The following MEGF10 variants were observed in gnomAD, a reference collection of about 807,000 sequenced individuals.
MEGF10 encodes the protein multiple epidermal growth factor-like domains protein 10.
In MEGF10, 86 loss-of-function variants were observed where a neutral mutation model predicts 147.5. The observed-to-expected ratio is 0.58, with a 90% CI of 0.49 to 0.70. The LOEUF is 0.70. Among genes scored for constraint, MEGF10 ranks in the 30% least tolerant of loss-of-function variants. MEGF10 has a pLI of 0.00. For synonymous variants in MEGF10, 478 were observed against 525.5 expected (o/e 0.91, Z 1.24); for missense variants, 1,329 against 1,487.3 (o/e 0.89, Z 1.75).
At chr5:127,350,795 A>C (rs915419661) in intron 4 of MEGF10, among the ~76,000 whole-genome samples, 2 of 152,126 alleles carry the variant, frequency 1.3e-5, no homozygotes, top group Non-Finnish European at 2.9e-5. Flanking sequence ...AAAAATTTTG[A>C]AGTTGTAGTT....
chr5:127,431,725 A>G (rs1421712910), intron 13 of MEGF10, among the ~76,000 whole-genome samples: 1 of 152,178 alleles, frequency 6.6e-6, no homozygotes, highest in Non-Finnish European at 1.5e-5. Flanking sequence ...CCTGAATTTG[A>G]ACTGAGAGCG....
chr5:127,385,714 A>G (rs1212391492), intron 5 of MEGF10, among the ~76,000 whole-genome samples: 1 of 152,234 alleles, frequency 6.6e-6, no homozygotes, highest in African/African-American at 2.4e-5. Context: ...TCCCACTGTA[A>G]GTATCTGGTA....
At chr5:127,284,430 CAT>C in the MEGF10 span, among the ~76,000 whole-genome samples, 1 of 151,960 alleles carries the variant, frequency 6.6e-6, no homozygotes, top group East Asian at 1.9e-4. Flanking sequence ...AGTGTTTAAA[CAT>C]AGCATAATGG....
intron 19 of MEGF10, among the ~76,000 whole-genome samples, chr5:127,443,983 A>G (rs773794846): frequency 1.6e-4 from 24 of 152,216 alleles, no homozygotes; most frequent in East Asian, 7.7e-4. Context: ...TATATAGTAG[A>G]CATATGTTTA....
chr5:127,443,384 C>A (rs778908416), intron 19 of MEGF10, among the ~76,000 whole-genome samples: 2 of 152,102 alleles, frequency 1.3e-5, no homozygotes, highest in Non-Finnish European at 2.9e-5. Flanking sequence ...AGCTTTTGTG[C>A]CAGATTTTTG....
At chr5:127,247,315 A>G in the MEGF10 span, among the ~76,000 whole-genome samples, 3 of 46,404 alleles carry the variant, frequency 6.5e-5, no homozygotes, top group Non-Finnish European at 1.6e-4. Flanking sequence ...CGAGAGAAAG[A>G]GAGAGAAGAA....
chr5:127,256,919 C>T, the MEGF10 span, among the ~76,000 whole-genome samples: 1 of 152,088 alleles, frequency 6.6e-6, no homozygotes, highest in African/African-American at 2.4e-5. Flanking sequence ...ACAGTGATTG[C>T]CCTAATCCCA....
chr5:127,282,004 T>C, the MEGF10 span, among the ~76,000 whole-genome samples: 4 of 152,244 alleles, frequency 2.6e-5, no homozygotes, highest in Non-Finnish European at 5.9e-5. Flanking sequence ...GAACAGAAGC[T>C]GCCTACTATC....
intron 8 of MEGF10, among the ~76,000 whole-genome samples, chr5:127,408,531 AC>A (rs2126947574): frequency 6.6e-6 from 1 of 152,318 alleles, no homozygotes; most frequent in East Asian, 1.9e-4. Flanking sequence ...AATAAAGAGC[AC>A]CTTTTAAAAA....
chr5:127,383,813 G>C (rs1444596742), intron 5 of MEGF10, among the ~76,000 whole-genome samples: 4 of 152,134 alleles, frequency 2.6e-5, no homozygotes, highest in African/African-American at 7.2e-5. Flanking sequence ...ATGAGCCTTT[G>C]TTATAGCATT....
rs764044446 is a variant in MEGF10, at chr5:127,457,304, A to G, written c.3409A>G (p.Ser1137Gly). 1.2e-6 allele frequency: 2 copies of G among 1,613,428 alleles called. No individual in the cohort carries two copies. The highest frequency in any genetic ancestry group is 2.7e-5 in the African/African-American group (2 of 74,938). Residue 1137 changes from serine to glycine, a missense_variant, in exon 25 of 25, where the codon AGC (serine) becomes GGC (glycine). Ser to Gly is a moderately conservative substitution (Grantham distance 56). Around this residue, in one of 3 missense-constraint regions of MEGF10, gnomAD observed 343 missense variants for 377.9 expected, o/e 0.91. Coordinates refer to ENST00000503335, the MANE Select transcript of MEGF10 (RefSeq NM_001256545.2). ...DSGGSSSNSS[S>G]SSE ...TGGTGGTAGCAGCAGCAACAGCAGCAGCAGCAGTGAATGACACCAAAGGAC... is the reference window on the plus strand; with the variant it reads ...TGGTGGTAGCAGCAGCAACAGCAGCGGCAGCAGTGAATGACACCAAAGGAC...
chr5:127,359,648 C>A (rs972121446), intron 4 of MEGF10, among the ~76,000 whole-genome samples: 3 of 152,202 alleles, frequency 2.0e-5, no homozygotes, highest in East Asian at 3.9e-4. Flanking sequence ...GCTTTTATAT[C>A]TGATTTCTTT....
At chr5:127,256,729 T>C in the MEGF10 span, among the ~76,000 whole-genome samples, 1 of 152,210 alleles carries the variant, frequency 6.6e-6, no homozygotes, top group Non-Finnish European at 1.5e-5. Flanking sequence ...CATGGTCTAA[T>C]TGCAAGTTTG....
chr5:127,337,104 G>T (rs947743946), intron 2 of MEGF10, among the ~76,000 whole-genome samples: 7 of 152,132 alleles, frequency 4.6e-5, no homozygotes, highest in Admixed American at 3.9e-4. Flanking sequence ...TCAAAGGAAT[G>T]GGCTCAGTGT....
chr5:127,410,467 TTAC>T lies in MEGF10; in HGVS notation c.997_999del (p.Tyr333del). ...GCCAGTGTGTCAACGGAGGGAAGTG[TTAC>T]CACGTGAGCGGCGCATGCCTCTGTG... On this transcript the variant is annotated inframe_deletion, in exon 9 of 25. Coordinates refer to ENST00000503335, the MANE Select transcript of MEGF10 (RefSeq NM_001256545.2). The T allele has an allele frequency of 6.2e-7, 1 of 1,614,212 alleles. No homozygotes were observed. Among genetic ancestry groups the T allele is most frequent in the Non-Finnish European group, 8.5e-7 (1 of 1,180,050 alleles).
the MEGF10 span, among the ~76,000 whole-genome samples, chr5:127,247,393 A>C: frequency 2.8e-5 from 1 of 36,230 alleles, no homozygotes; most frequent in African/African-American, 1.4e-4. Flanking sequence ...GAAGAAGAAG[A>C]AGAAGAAGAA....
chr5:127,426,571 A>C (rs1291562779), intron 13 of MEGF10, among the ~76,000 whole-genome samples: 1 of 151,894 alleles, frequency 6.6e-6, no homozygotes, highest in Non-Finnish European at 1.5e-5. Flanking sequence ...CCTCTGGTAC[A>C]CACACACACT....
intron 5 of MEGF10, among the ~76,000 whole-genome samples, chr5:127,382,829 A>G (rs1763307140): frequency 6.6e-6 from 1 of 152,248 alleles, no homozygotes; most frequent in African/African-American, 2.4e-5. Context: ...CTGATTGACC[A>G]ATGAACATGA....
rs1230967585 is a variant in MEGF10 at position 127,459,681 on chromosome 5, G to T, written c.*2363G>T. The T allele has an allele frequency of 1.3e-5, 2 of 152,222 alleles. No individual in the cohort carries two copies. Among genetic ancestry groups the T allele is most frequent in the East Asian group, 3.8e-4 (2 of 5,200 alleles). The allele number at this position is 152,222 out of a possible 1,614,324, so 9.4% of individuals were successfully genotyped here. ...TAGATGTGGACTCCAAGGGGCCACT[G>T]CCATCCCTTCCTGTGTGCTCTTTTT... On this transcript the variant is annotated 3_prime_UTR_variant, in exon 25 of 25. Transcript: ENST00000503335.
Sources: allele counts gnomAD v4.1 joint callset (sites outside exome capture counted in the v4.1 genomes callset), GRCh38; gene constraint gnomAD v4.1.1; regional missense constraint gnomAD v4.1.1; transcripts MANE v1.5; gene names NCBI Gene and HGNC (gene_info 2026-07-23, HGNC 2026-07-21).